The following PTPRT variants were observed in gnomAD, a reference collection of about 807,000 sequenced individuals.
PTPRT encodes the protein protein tyrosine phosphatase receptor type T.
PTPRT carries 56 observed loss-of-function variants against 176.8 expected under a neutral mutation model. The ratio of observed to expected loss-of-function variants is 0.32; its 90% CI spans 0.26 to 0.40. PTPRT has a LOEUF of 0.40. Among genes scored for constraint, PTPRT ranks in the 10% least tolerant of loss-of-function variants. PTPRT has a pLI of 1.00. For missense variants in PTPRT, 1,540 were observed against 1,908.2 expected, an observed-to-expected ratio of 0.81 and a Z score of 3.60; for synonymous variants, 783 against 739.0, an observed-to-expected ratio of 1.06 and a Z score of -0.96.
At position 43,155,281 on chromosome 20, in the gene PTPRT, G is replaced by T. The variant is rs147087774; in HGVS notation, c.88+34365C>A. Among the ~76,000 whole-genome samples the T allele has an allele frequency of 8.4e-3, 1,280 of 152,272 alleles. 19 individuals are homozygous for T. Among genetic ancestry groups the T allele is most frequent in the African/African-American group, 0.029 (1,205 of 41,556 alleles). On this transcript the variant is annotated intron_variant, in intron 1 of 30. Coordinates refer to ENST00000373187, the MANE Select transcript of PTPRT (RefSeq NM_007050.6). The stretch of plus-strand genomic sequence containing the variant: ...GCCAAGATACAAAATCAATCTAAAT[G>T]TCCATCAGTGGATGAATGGATAAAG...
chr20:42,874,833 A>G (rs1236235284), intron 2 of PTPRT, among the ~76,000 whole-genome samples: 2 of 152,230 alleles, frequency 1.3e-5, no homozygotes, highest in African/African-American at 2.4e-5. Flanking sequence ...GTTAAAAGAC[A>G]TAGTGGTTTA....
intron 7 of PTPRT, among the ~76,000 whole-genome samples, chr20:42,582,864 G>T (rs1387596965): frequency 6.6e-6 from 1 of 152,102 alleles, no homozygotes; most frequent in African/African-American, 2.4e-5. Context: ...ATCCCCAAAT[G>T]GTTCTCCTAC....
intron 1 of PTPRT, among the ~76,000 whole-genome samples, chr20:43,137,783 C>T (rs577363767): frequency 3.3e-4 from 51 of 152,290 alleles, no homozygotes; most frequent in South Asian, 6.2e-4. Context: ...CACACACACG[C>T]GCGTACACAC....
chr20:42,770,999 C>T (rs2077054366), intron 5 of PTPRT, among the ~76,000 whole-genome samples: 1 of 152,232 alleles, frequency 6.6e-6, no homozygotes, highest in Admixed American at 6.5e-5. Context: ...TCCCTGTACA[C>T]ACCAAACCAT....
chr20:42,909,086 T>C (rs1316394700), intron 1 of PTPRT, among the ~76,000 whole-genome samples: 1 of 152,154 alleles, frequency 6.6e-6, no homozygotes, highest in Non-Finnish European at 1.5e-5. Context: ...ACCCAGGAGT[T>C]TGAGGCCTCA....
chr20:43,121,900 T>C (rs934198177), intron 1 of PTPRT, among the ~76,000 whole-genome samples: 3 of 152,188 alleles, frequency 2.0e-5, no homozygotes, highest in Middle Eastern at 3.2e-3. Context: ...TAAAGTGTTC[T>C]ATGAGGACAC....
At chr20:42,410,530 A>G (rs778706564) in intron 9 of PTPRT, among the ~76,000 whole-genome samples, 2 of 152,148 alleles carry the variant, frequency 1.3e-5, no homozygotes, top group Non-Finnish European at 2.9e-5. Flanking sequence ...TAGAGGGAAA[A>G]TTATTAAAAT....
At chr20:42,047,457 T>C in the PTPRT span, among the ~76,000 whole-genome samples, 19 of 152,334 alleles carry the variant, frequency 1.2e-4, no homozygotes, top group South Asian at 1.5e-3. Context: ...TCTGGTCCCA[T>C]AGCCAGTTCC....
At chr20:42,246,268 T>C (rs189729846) in intron 14 of PTPRT, among the ~76,000 whole-genome samples, 19 of 152,078 alleles carry the variant, frequency 1.2e-4, no homozygotes, top group African/African-American at 4.6e-4. Context: ...AGTGCAGGCC[T>C]ATGTTCAATT....
intron 7 of PTPRT, among the ~76,000 whole-genome samples, chr20:42,534,469 T>C (rs1032350318): frequency 2.6e-5 from 4 of 151,818 alleles, no homozygotes; most frequent in Non-Finnish European, 5.9e-5. Context: ...CCGTCTCTAC[T>C]AAAAATACCA....
chr20:42,726,705 C>T (rs1288209508), intron 6 of PTPRT, among the ~76,000 whole-genome samples: 1 of 152,216 alleles, frequency 6.6e-6, no homozygotes, highest in East Asian at 1.9e-4. Flanking sequence ...CAAGAACTCA[C>T]CACACAGTAG....
At chr20:42,743,481 C>T (rs991150470) in intron 6 of PTPRT, among the ~76,000 whole-genome samples, 18 of 152,176 alleles carry the variant, frequency 1.2e-4, no homozygotes, top group African/African-American at 4.3e-4. Flanking sequence ...TGCAGAGCTG[C>T]ATCGTTTGTT....
chr20:42,699,484 A>AAGAC (rs11472161), intron 6 of PTPRT, among the ~76,000 whole-genome samples: 38,080 of 151,900 alleles, frequency 0.25, 5,160 homozygotes, highest in African/African-American at 0.35. Context: ...CTTGTAAAAG[A>AAGAC]AGACAGACTT....
intron 1 of PTPRT, among the ~76,000 whole-genome samples, chr20:43,048,314 C>T (rs887006368): frequency 6.6e-6 from 1 of 152,026 alleles, no homozygotes; most frequent in East Asian, 1.9e-4. Flanking sequence ...AGACAGTCCA[C>T]GAGCCCTGGC....
intron 20 of PTPRT, 26 bp from the exon 21 acceptor site, chr20:42,118,526 T>C: frequency 6.3e-7 from 1 of 1,579,088 alleles, no homozygotes; most frequent in African/African-American, 1.4e-5. Context: ...ACAGTGAGGT[T>C]AGAGAATGCA....
At chr20:42,800,153 T>C (rs553511922) in intron 2 of PTPRT, among the ~76,000 whole-genome samples, 1 of 152,350 alleles carries the variant, frequency 6.6e-6, no homozygotes, top group East Asian at 1.9e-4. Context: ...ATCATTCTTC[T>C]TTTACAGTTG....
At chr20:42,426,343 G>A (rs913209599) in intron 9 of PTPRT, among the ~76,000 whole-genome samples, 4 of 152,166 alleles carry the variant, frequency 2.6e-5, no homozygotes, top group Admixed American at 6.5e-5. Context: ...ATCAAGAGGA[G>A]TTCAGCTGGG....
At chr20:42,685,815 A>G (rs2075681762) in intron 6 of PTPRT, 1 of 152,192 alleles carries the variant, frequency 6.6e-6, no homozygotes, top group Non-Finnish European at 1.5e-5. Context: ...TATTATAAAT[A>G]TAAGCATTTG....
At chr20:42,058,984 G>A in the PTPRT span, among the ~76,000 whole-genome samples, 1 of 152,292 alleles carries the variant, frequency 6.6e-6, no homozygotes, top group Admixed American at 6.5e-5. Context: ...CACCTGGGGA[G>A]GGGTTAAAAG....
Sources: gnomAD v4.1 joint callset for allele counts (sites outside exome capture counted in the v4.1 genomes callset) on GRCh38, gnomAD v4.1.1 for gene constraint, MANE v1.5 for transcripts, NCBI Gene and HGNC (gene_info 2026-07-23, HGNC 2026-07-21) for gene names.